GTF3C2: variants seen among roughly 807,000 people sequenced by gnomAD.
The protein encoded by GTF3C2 is general transcription factor 3C polypeptide 2.
In GTF3C2, 17 loss-of-function variants were observed where a neutral mutation model predicts 117.4. The observed-to-expected ratio is 0.14, with a 90% CI of 0.10 to 0.22. GTF3C2 has a LOEUF of 0.22. Among genes scored for constraint, GTF3C2 ranks in the 10% least tolerant of loss-of-function variants. GTF3C2 has a pLI of 1.00. For synonymous variants in GTF3C2, 437 were observed against 427.0 expected (o/e 1.02, Z -0.29); for missense variants, 888 against 1,143.6 (o/e 0.78, Z 3.22).
chr2:27,335,218 T>C, intron 10 of GTF3C2: 1 of 480,564 alleles, frequency 2.1e-6, no homozygotes, highest in East Asian at 6.6e-5. Flanking sequence ...TGTGTGGTGG[T>C]GAGGGCAGGA....
At chr2:27,331,532 G>A (rs1029650438) in intron 12 of GTF3C2, among the ~76,000 whole-genome samples, 4 of 151,946 alleles carry the variant, frequency 2.6e-5, no homozygotes, top group Non-Finnish European at 4.4e-5. Flanking sequence ...TCACCATGTT[G>A]GCCAGGATGG....
chr2:27,329,408 C>G lies in GTF3C2; in HGVS notation c.1848G>C (p.Val616=). 1 of 1,614,128 alleles carries G rather than the reference C, an allele frequency of 6.2e-7. No individual in the cohort carries two copies. The highest frequency in any genetic ancestry group is 8.5e-7 in the Non-Finnish European group (1 of 1,180,030). The stretch of plus-strand genomic sequence containing the variant: ...TAGCTTTGCACCATTGAAGGGTACG[C>G]ACAGCCTGGTCATGGGCTAGGAAAC... Residue 616 remains valine, a synonymous_variant, in exon 13 of 19, where the codon GTG becomes GTC. Coordinates refer to ENST00000264720, the Ensembl canonical transcript of GTF3C2. The surrounding 1 kb of genome is among the most constrained non-coding windows in gnomAD (Gnocchi z 4.5).
chr2:27,356,094 A>C, intron 1 of GTF3C2: 7 of 1,289,236 alleles, frequency 5.4e-6, no homozygotes, highest in Non-Finnish European at 7.1e-6. Context: ...TACCCTATAC[A>C]TCCCTCCAAC....
exon 19 of GTF3C2, chr2:27,326,673 G>A (rs1334048980): frequency 1.2e-6 from 2 of 1,610,458 alleles, no homozygotes; most frequent in Admixed American, 3.3e-5. Flanking sequence ...TGTGGGCCAA[G>A]GCTAGGGAGT....
chr2:27,355,792 C>T (rs1681351842), intron 1 of GTF3C2, among the ~76,000 whole-genome samples: 1 of 152,090 alleles, frequency 6.6e-6, no homozygotes, highest in African/African-American at 2.4e-5. Context: ...CTAAAGTGTT[C>T]CTAGGGTACA....
chr2:27,327,473 C>T lies in GTF3C2; in HGVS notation c.2410-189G>A, dbSNP rs558867744. Among the ~76,000 whole-genome samples the T allele has an allele frequency of 6.6e-5, 10 of 151,980 alleles. No individual in the cohort carries two copies. The East Asian group carries it at 1.2e-3, about 18-fold the overall frequency. The stretch of plus-strand genomic sequence containing the variant: ...CTGAGTAGCTGGGATTACAGGCGCC[C>T]GCCGTCACGCCCGGCAGATTTTTTG... On this transcript the variant is annotated intron_variant, in intron 17 of 18. Coordinates refer to ENST00000264720, the Ensembl canonical transcript of GTF3C2.
At chr2:27,345,783 G>A (rs1371599586) in intron 1 of GTF3C2, among the ~76,000 whole-genome samples, 1 of 147,196 alleles carries the variant, frequency 6.8e-6, no homozygotes, top group Non-Finnish European at 1.5e-5. Context: ...GCGTGATGTC[G>A]GCTCACTGCA....
intron 1 of GTF3C2, among the ~76,000 whole-genome samples, chr2:27,344,135 C>T (rs1043959731): frequency 6.6e-6 from 1 of 151,894 alleles, no homozygotes; most frequent in Admixed American, 6.6e-5. Flanking sequence ...AGCAATTCTC[C>T]TGCCTCAGCC....
At chr2:27,332,679 G>A (rs1364771665) in intron 12 of GTF3C2, among the ~76,000 whole-genome samples, 1 of 152,078 alleles carries the variant, frequency 6.6e-6, no homozygotes, top group Non-Finnish European at 1.5e-5. Context: ...CTCCCAGAGT[G>A]CTGGGATTAC....
chr2:27,335,432 G>A, intron 10 of GTF3C2, 166 bp downstream of exon 10: 1 of 714,538 alleles, frequency 1.4e-6, no homozygotes, highest in South Asian at 1.5e-5. Flanking sequence ...GCAAAAGAGA[G>A]AGGGCTCAAG....
chr2:27,355,452 G>A (rs549415129), intron 1 of GTF3C2, among the ~76,000 whole-genome samples: 8 of 151,714 alleles, frequency 5.3e-5, no homozygotes, highest in South Asian at 2.1e-4. Context: ...CCCGGGAGGC[G>A]GAGGTTGCAG....
chr2:27,353,128 C>G (rs1312286189), intron 1 of GTF3C2, among the ~76,000 whole-genome samples: 1 of 152,178 alleles, frequency 6.6e-6, no homozygotes, highest in African/African-American at 2.4e-5. Flanking sequence ...GGCGCTGTGG[C>G]TCATGCCTGT....
chr2:27,356,150 C>T (rs1014296304), intron 1 of GTF3C2: 2 of 1,259,904 alleles, frequency 1.6e-6, no homozygotes, highest in Middle Eastern at 4.3e-4. Flanking sequence ...CCTCTGACTT[C>T]CCCAACAGGC....
chr2:27,334,029 T>C (rs1300768881), intron 10 of GTF3C2, 30 bp from the exon 11 acceptor site: 2 of 1,587,426 alleles, frequency 1.3e-6, no homozygotes, highest in Non-Finnish European at 1.7e-6. Context: ...GAACTAACTC[T>C]ATGGATCCCA....
In GTF3C2 at chr2:27,329,583, T is replaced by C; in HGVS notation, c.1733-60A>G. On this transcript the variant is annotated intron_variant, in intron 12 of 18. Transcript: ENST00000264720. This position sits in a 1 kb window ranked among gnomAD's most constrained non-coding sequence, Gnocchi z 4.5. ...CAAGTTCTCTCTTCCTTGCTCTAATTTCTTTCTCTGGGCTCCTAGGACCTT... is the reference window on the plus strand; with the variant it reads ...CAAGTTCTCTCTTCCTTGCTCTAATCTCTTTCTCTGGGCTCCTAGGACCTT... 1 of 1,553,398 alleles carries C rather than the reference T, an allele frequency of 6.4e-7. No individual in the cohort carries two copies. The highest frequency in any genetic ancestry group is 1.7e-5 in the Admixed American group (1 of 57,890).
chr2:27,353,008 T>C (rs900826539), intron 1 of GTF3C2, among the ~76,000 whole-genome samples: 1 of 152,252 alleles, frequency 6.6e-6, no homozygotes, highest in African/African-American at 2.4e-5. Context: ...CTCTTTTGTC[T>C]TTCTAAAGCA....
intron 1 of GTF3C2, chr2:27,356,212 T>C (rs986375158): frequency 1.0e-4 from 70 of 693,540 alleles, no homozygotes; most frequent in Non-Finnish European, 1.5e-4. Context: ...CAACTGGCCC[T>C]TGGTTACGCC....
At position 27,333,956 on chromosome 2, in the gene GTF3C2, A is replaced by G; in HGVS notation, c.1602+18T>C. The G allele has an allele frequency of 8.8e-6, 14 of 1,591,448 alleles. No individual in the cohort carries two copies. Among genetic ancestry groups the G allele is most frequent in the Non-Finnish European group, 1.2e-5 (14 of 1,159,318 alleles). On this transcript the variant is annotated intron_variant, in intron 11 of 18. Transcript: ENST00000264720. ...AAGAAGATGGAGCCTCAGCTAAGGTAGCAGGTTCCTCACTCACCTTATATA... is the reference window on the plus strand; with the variant it reads ...AAGAAGATGGAGCCTCAGCTAAGGTGGCAGGTTCCTCACTCACCTTATATA...
At chr2:27,328,930 A>T in exon 15 of GTF3C2, 1 of 1,594,290 alleles carries the variant, frequency 6.3e-7, no homozygotes, top group South Asian at 1.1e-5. Context: ...CAGAGTCCAT[A>T]ACTGTTAAAA....
Sources: allele counts gnomAD v4.1 joint callset (sites outside exome capture counted in the v4.1 genomes callset), GRCh38; gene constraint gnomAD v4.1.1; non-coding constraint Gnocchi (gnomAD v3.1); transcripts MANE v1.5; gene names NCBI Gene and HGNC (gene_info 2026-07-23, HGNC 2026-07-21).